ESR1: variants seen among roughly 807,000 people sequenced by gnomAD.
ESR1 encodes the protein estrogen receptor 1.
A neutral mutation model predicts 52.7 loss-of-function variants in ESR1; 12 were observed. That is an observed-to-expected ratio of 0.23 (90% CI 0.15 to 0.37). ESR1 has a LOEUF of 0.37. ESR1 is among the 10% of genes least tolerant of loss of function. The pLI, the probability that ESR1 is intolerant of heterozygous loss-of-function variation, is 1.00. For synonymous variants in ESR1, 305 were observed against 316.8 expected (o/e 0.96, Z 0.39); for missense variants, 584 against 779.7 (o/e 0.75, Z 2.99).
intron 2 of ESR1, among the ~76,000 whole-genome samples, chr6:151,856,794 G>A (rs1583712980): frequency 6.6e-6 from 1 of 152,190 alleles, no homozygotes. Context: ...GGAGGAGCTG[G>A]AAGAGCAAGG....
At chr6:151,856,156 G>T (rs1044232330) in intron 2 of ESR1, among the ~76,000 whole-genome samples, 3 of 152,104 alleles carry the variant, frequency 2.0e-5, no homozygotes, top group Non-Finnish European at 4.4e-5. Context: ...TACTTTTGAA[G>T]TTTGACATGG....
At chr6:151,944,077 A>T in intron 3 of ESR1, 96 bp from the exon 4 acceptor site, 1 of 1,030,738 alleles carries the variant, frequency 9.7e-7, no homozygotes, top group Non-Finnish European at 1.5e-6. Flanking sequence ...GTATTTCTTC[A>T]AATAAAATGA....
rs2037388110 is a variant in ESR1 at position 151,959,364 on chromosome 6, T to C, written c.1096+14856T>C. ...CTGGTGCGGCACACATCTTTTTCTA[T>C]CCATGAACAACGTCAAATGCTTATT... On this transcript the variant is annotated intron_variant, in intron 4 of 7. Transcript: ENST00000206249. Among the ~76,000 whole-genome samples, 3 of 152,350 alleles carry C rather than the reference T, an allele frequency of 2.0e-5. No individual in the cohort carries two copies. In the South Asian group the frequency reaches 6.2e-4, roughly 32 times the overall value.
At chr6:152,093,103 C>T (rs1273540148) in intron 6 of ESR1, among the ~76,000 whole-genome samples, 2 of 151,960 alleles carry the variant, frequency 1.3e-5, no homozygotes, top group African/African-American at 2.4e-5. Context: ...ATGGCGAAAC[C>T]CCATCTCTAC....
intron 2 of ESR1, among the ~76,000 whole-genome samples, chr6:151,789,636 A>T (rs1178504956): frequency 2.0e-5 from 3 of 152,200 alleles, no homozygotes; most frequent in African/African-American, 7.2e-5. Context: ...TCCCTGGAGG[A>T]AACGTAAAAC....
At chr6:151,961,112 T>C (rs2037605695) in intron 4 of ESR1, among the ~76,000 whole-genome samples, 1 of 152,084 alleles carries the variant, frequency 6.6e-6, no homozygotes, top group Non-Finnish European at 1.5e-5. Flanking sequence ...ATCTGGAGTT[T>C]AGGAGAGAGG....
intron 1 of ESR1, among the ~76,000 whole-genome samples, chr6:151,833,235 C>T (rs556047621): frequency 2.6e-5 from 4 of 152,122 alleles, no homozygotes; most frequent in South Asian, 2.1e-4. Context: ...GGTTACAATG[C>T]GCTGAGGCTA....
intron 1 of ESR1, among the ~76,000 whole-genome samples, chr6:151,660,570 C>T (rs1777604126): frequency 6.6e-6 from 1 of 152,116 alleles, no homozygotes; most frequent in Non-Finnish European, 1.5e-5. Context: ...AGTAGGAGTC[C>T]AGCCATTAAA....
At chr6:151,832,062 C>G (rs1170385855) in intron 1 of ESR1, among the ~76,000 whole-genome samples, 5 of 152,010 alleles carry the variant, frequency 3.3e-5, no homozygotes, top group African/African-American at 1.2e-4. Flanking sequence ...CTAAAAGACA[C>G]CATGATTACA....
chr6:151,698,681 G>A (rs1010061448), intron 1 of ESR1, among the ~76,000 whole-genome samples: 6 of 152,150 alleles, frequency 3.9e-5, no homozygotes, highest in Non-Finnish European at 7.3e-5. Context: ...AAGGCAAGGA[G>A]CTACTGGGGG....
intron 2 of ESR1, among the ~76,000 whole-genome samples, chr6:151,879,228 C>G (rs9340837): frequency 0.28 from 42,117 of 151,974 alleles, 9,013 homozygotes; most frequent in East Asian, 0.57. Context: ...TGTCTCACAG[C>G]GGGAAGGGAG....
At chr6:152,022,636 A>G (rs2043766366) in intron 5 of ESR1, among the ~76,000 whole-genome samples, 1 of 152,090 alleles carries the variant, frequency 6.6e-6, no homozygotes, top group East Asian at 1.9e-4. Context: ...TGAGAAGTAG[A>G]GGTACAAAGT....
intron 5 of ESR1, among the ~76,000 whole-genome samples, chr6:152,041,694 T>C (rs1276212028): frequency 6.6e-6 from 1 of 152,236 alleles, no homozygotes; most frequent in Admixed American, 6.5e-5. Context: ...TGTGATATCT[T>C]GTGGAAGAGA....
chr6:151,882,308 T>C (rs576703629), intron 3 of ESR1, among the ~76,000 whole-genome samples: 2 of 152,316 alleles, frequency 1.3e-5, no homozygotes, highest in Admixed American at 6.5e-5. Context: ...GGTGAAGAGA[T>C]GCAATGTTGA....
chr6:152,080,203 A>G (rs1041066325), intron 6 of ESR1, among the ~76,000 whole-genome samples: 2 of 152,198 alleles, frequency 1.3e-5, no homozygotes, highest in Non-Finnish European at 2.9e-5. Flanking sequence ...AGATTTAAAA[A>G]GTATGAAATG....
chr6:151,826,042 G>T (rs1781433084), intron 1 of ESR1, among the ~76,000 whole-genome samples: 1 of 151,974 alleles, frequency 6.6e-6, no homozygotes, highest in Non-Finnish European at 1.5e-5. Flanking sequence ...AGTTGGACAT[G>T]AGCCAGGTTG....
intron 6 of ESR1, chr6:152,112,784 C>G (rs562143618): frequency 6.6e-6 from 1 of 152,258 alleles, no homozygotes; most frequent in African/African-American, 2.4e-5. Context: ...AAACTGGAAG[C>G]GGCCAAGGGA....
At position 151,738,622 on chromosome 6, in the gene ESR1, G is replaced by T. The variant is rs144710038; in HGVS notation, c.-71+36617G>T. ...ACATTTCTGTCAGGGTTTTTAAAAA[G>T]TTTCCAAAATGACATCCCTCCAGCT... On this transcript the variant is annotated intron_variant, in intron 2 of 2. Transcript: ENST00000404742. Among the ~76,000 whole-genome samples the T allele has an allele frequency of 1.4e-3, 220 of 152,276 alleles. 1 individual carries two copies. The highest frequency in any genetic ancestry group is 3.4e-3 in the Middle Eastern group (1 of 294).
intron 2 of ESR1, among the ~76,000 whole-genome samples, chr6:151,862,523 C>T (rs1233725641): frequency 6.6e-6 from 1 of 152,172 alleles, no homozygotes; most frequent in Admixed American, 6.5e-5. Context: ...AAGGACAATT[C>T]CGTCCTCTTA....
Sources: allele counts gnomAD v4.1 joint callset (sites outside exome capture counted in the v4.1 genomes callset), GRCh38; gene constraint gnomAD v4.1.1; transcripts MANE v1.5; gene names NCBI Gene and HGNC (gene_info 2026-07-23, HGNC 2026-07-21).